The following PDE4D variants were observed in gnomAD, a reference collection of about 807,000 sequenced individuals.
PDE4D encodes 3',5'-cyclic-AMP phosphodiesterase 4D.
In PDE4D, 24 loss-of-function variants were observed where a neutral mutation model predicts 87.4. The observed-to-expected ratio is 0.27, with a 90% CI of 0.20 to 0.39. PDE4D has a LOEUF of 0.39. PDE4D is among the 10% of genes least tolerant of loss of function. PDE4D has a pLI of 1.00. For synonymous variants in PDE4D, 384 were observed against 383.2 expected (o/e 1.00, Z -0.02); for missense variants, 714 against 1,041.0 (o/e 0.69, Z 4.32).
chr5:59,305,184 G>A (rs1456981766), intron 1 of PDE4D, among the ~76,000 whole-genome samples: 1 of 152,054 alleles, frequency 6.6e-6, no homozygotes, highest in Non-Finnish European at 1.5e-5. Context: ...TGTGCATAAA[G>A]GTGTTCATAG....
chr5:60,064,286 A>G (rs1181467238), intron 2 of PDE4D, among the ~76,000 whole-genome samples: 1 of 152,146 alleles, frequency 6.6e-6, no homozygotes, highest in Non-Finnish European at 1.5e-5. Context: ...AAACAAAACT[A>G]TAAGGTAAGT....
chr5:60,485,266 A>T (rs189883944), intron 1 of PDE4D, among the ~76,000 whole-genome samples: 20 of 152,288 alleles, frequency 1.3e-4, no homozygotes, highest in Admixed American at 1.2e-3. Context: ...GGTAGACAGC[A>T]ACTCTTTTGA....
At chr5:60,035,999 T>C (rs899434735) in intron 2 of PDE4D, among the ~76,000 whole-genome samples, 5 of 152,168 alleles carry the variant, frequency 3.3e-5, no homozygotes, top group Non-Finnish European at 7.4e-5. Context: ...CTTAGACATA[T>C]AGAATTTAAC....
In PDE4D at chr5:58,988,544, T is replaced by C. The variant is rs1414958981; in HGVS notation, c.1501A>G (p.Ile501Val). ...ACACCAGGATGATCTACATCATGTA[T>C]TGCACTGGCAAAAATTGCTGCAAGA... ...EILAAIFASA[I>V]HDVDHPGVSN... is the part of the protein sequence containing the mutation. Residue 501 changes from isoleucine to valine, a missense_variant, in exon 11 of 15, where the codon ATA (isoleucine) becomes GTA (valine). Coordinates refer to ENST00000340635, the MANE Select transcript of PDE4D (RefSeq NM_001104631.2). The C allele has an allele frequency of 1.6e-5, 24 of 1,508,450 alleles. No individual in the cohort carries two copies. The highest frequency in any genetic ancestry group is 2.0e-5 in the Admixed American group (1 of 48,944). 93.4% of individuals were successfully genotyped at this position (1,508,450 alleles called of 1,614,324 possible).
intron 1 of PDE4D, among the ~76,000 whole-genome samples, chr5:59,355,388 T>C (rs1404722638): frequency 6.6e-6 from 1 of 152,186 alleles, no homozygotes; most frequent in Non-Finnish European, 1.5e-5. Flanking sequence ...TGGAGATTTA[T>C]GATATTAAGG....
rs529117975 is a variant in PDE4D, at chr5:60,416,600, C to T, written c.-90+71342G>A. Among the ~76,000 whole-genome samples, 93 of 151,800 alleles carry T rather than the reference C, an allele frequency of 6.1e-4. 1 individual carries two copies. The highest frequency in any genetic ancestry group is 1.2e-3 in the Non-Finnish European group (79 of 67,892). On this transcript the variant is annotated intron_variant, in intron 1 of 16. Transcript: ENST00000502484. ...CGAACCCACCAGAAGGAGGAAACTCCGAACACATCCGAACATCAGAAGGAA... is the reference window on the plus strand; with the variant it reads ...CGAACCCACCAGAAGGAGGAAACTCTGAACACATCCGAACATCAGAAGGAA...
At chr5:60,139,970 C>T (rs1313618286) in intron 2 of PDE4D, among the ~76,000 whole-genome samples, 1 of 152,036 alleles carries the variant, frequency 6.6e-6, no homozygotes, top group Admixed American at 6.6e-5. Context: ...TACTGGTATA[C>T]ACTGCCTCTT....
chr5:59,879,801 C>T (rs777481590), intron 1 of PDE4D, among the ~76,000 whole-genome samples: 8 of 152,220 alleles, frequency 5.3e-5, no homozygotes, highest in South Asian at 2.1e-4. Flanking sequence ...AGTGCAGTGG[C>T]GCAATCTCTG....
At chr5:59,558,448 A>G (rs931067873) in intron 1 of PDE4D, 1 of 152,146 alleles carries the variant, frequency 6.6e-6, no homozygotes, top group African/African-American at 2.4e-5. Context: ...TCTTGTTTAG[A>G]TATAAATGTG....
chr5:59,536,504 CAAAAAAAAAAAAAAAAAA>C (rs10586960), intron 1 of PDE4D, among the ~76,000 whole-genome samples: 2 of 56,384 alleles, frequency 3.5e-5, no homozygotes, highest in Non-Finnish European at 5.6e-5. Flanking sequence ...GACTCAGCCT[CAAAAAAAAAAAAAAAAAA>C]AAAAAAAAAA....
intron 2 of PDE4D, among the ~76,000 whole-genome samples, chr5:60,101,807 T>C (rs1776246158): frequency 6.6e-6 from 1 of 152,142 alleles, no homozygotes; most frequent in African/African-American, 2.4e-5. Context: ...AGGTTGTGAA[T>C]TTATGGTGAT....
chr5:59,277,889 A>T (rs1422437178), intron 1 of PDE4D, among the ~76,000 whole-genome samples: 1 of 152,114 alleles, frequency 6.6e-6, no homozygotes, highest in Non-Finnish European at 1.5e-5. Flanking sequence ...TAACACACTT[A>T]TTGGGCATCT....
chr5:60,266,255 A>C (rs1046779239), intron 1 of PDE4D, among the ~76,000 whole-genome samples: 2 of 152,234 alleles, frequency 1.3e-5, no homozygotes, highest in African/African-American at 4.8e-5. Context: ...CAAGAAGTGC[A>C]AACAGTTTGC....
chr5:59,744,208 T>C (rs1305820595), intron 1 of PDE4D, among the ~76,000 whole-genome samples: 1 of 151,804 alleles, frequency 6.6e-6, no homozygotes, highest in East Asian at 1.9e-4. Context: ...GTAGATTTTG[T>C]ATGTTAATTC....
chr5:59,658,483 G>A (rs933010946), intron 1 of PDE4D, among the ~76,000 whole-genome samples: 1 of 151,950 alleles, frequency 6.6e-6, no homozygotes, highest in South Asian at 2.1e-4. Context: ...CTGGGTTCAC[G>A]CCATTCTCCT....
In PDE4D at chr5:60,050,899, T is replaced by C. The variant is rs1273528329; in HGVS notation, c.43-62182A>G. On this transcript the variant is annotated intron_variant, in intron 2 of 16. Transcript: ENST00000502484. ...CAGAGGTTGCCATCCTAATTTCTGA[T>C]AAAACAGACTTTAAACCAACAAAGA... Among the ~76,000 whole-genome samples, 4 of 152,038 alleles carry C rather than the reference T, an allele frequency of 2.6e-5. No homozygotes were observed. The South Asian group carries it at 8.3e-4, about 32-fold the overall frequency.
chr5:59,257,117 G>A lies in PDE4D; in HGVS notation c.456-41149C>T, dbSNP rs145073268. The stretch of plus-strand genomic sequence containing the variant: ...ATACATTTCATACTAAATAAAAATC[G>A]TATTTAGTTACTTTTGGTTGTTATT... On this transcript the variant is annotated intron_variant, in intron 1 of 14. Transcript: ENST00000340635. 3.4e-3 allele frequency among the ~76,000 whole-genome samples: 522 copies of A among 152,050 alleles called. 2 individuals carry two copies. Among genetic ancestry groups the A allele is most frequent in the South Asian group, 5.8e-3 (28 of 4,818 alleles).
chr5:59,620,854 G>A (rs947098977), intron 1 of PDE4D, among the ~76,000 whole-genome samples: 1 of 152,146 alleles, frequency 6.6e-6, no homozygotes, highest in Non-Finnish European at 1.5e-5. Flanking sequence ...GAGATGAAGA[G>A]AATGGCAAAA....
chr5:59,490,725 G>C (rs1051597571), intron 1 of PDE4D, among the ~76,000 whole-genome samples: 2 of 152,136 alleles, frequency 1.3e-5, no homozygotes, highest in Non-Finnish European at 2.9e-5. Context: ...AATTTATCTT[G>C]TTCCTTTGAT....
Sources: allele counts gnomAD v4.1 joint callset (sites outside exome capture counted in the v4.1 genomes callset), GRCh38; gene constraint gnomAD v4.1.1; transcripts MANE v1.5; gene names NCBI Gene and HGNC (gene_info 2026-07-23, HGNC 2026-07-21).